The following NALF1 variants were observed in gnomAD, a reference collection of about 807,000 sequenced individuals.
NALF1 encodes the protein family with sequence similarity 155 member A.
A neutral mutation model predicts 48.4 loss-of-function variants in NALF1; 3 were observed. The observed-to-expected ratio is 0.06, with a 90% confidence interval of 0.03 to 0.16. The LOEUF (loss-of-function observed/expected upper bound fraction) is 0.16. Ranked by LOEUF, NALF1 falls within the 10% of genes least tolerant of loss-of-function variation. The pLI, the probability that NALF1 is intolerant of heterozygous loss-of-function variation, is 1.00. For missense variants in NALF1, 526 were observed against 571.5 expected (o/e 0.92, Z 0.81); for synonymous variants, 262 against 245.7 (o/e 1.07, Z -0.62).
intron 1 of NALF1, among the ~76,000 whole-genome samples, chr13:107,690,892 G>A (rs569262496): frequency 3.3e-5 from 5 of 152,292 alleles, no homozygotes; most frequent in Admixed American, 2.0e-4. Context: ...GCATTCTTAC[G>A]GTGATGTGGA....
chr13:107,411,410 CAA>C (rs1443093377), intron 1 of NALF1, among the ~76,000 whole-genome samples: 1 of 151,422 alleles, frequency 6.6e-6, no homozygotes, highest in East Asian at 2.0e-4. Context: ...CTCCTATGCT[CAA>C]GTGATACTCC....
intron 1 of NALF1, among the ~76,000 whole-genome samples, chr13:107,348,080 G>T (rs935622697): frequency 1.1e-4 from 17 of 152,140 alleles, no homozygotes; most frequent in Admixed American, 2.6e-4. Flanking sequence ...TTTATTAGTT[G>T]TCCTTAGTTA....
chr13:107,798,625 A>G (rs572780999), intron 1 of NALF1, among the ~76,000 whole-genome samples: 38 of 152,190 alleles, frequency 2.5e-4, no homozygotes, highest in Non-Finnish European at 4.3e-4. Context: ...AAGTGATTAC[A>G]ATTTAATTTA....
At chr13:107,456,059 G>A (rs995499735) in intron 1 of NALF1, among the ~76,000 whole-genome samples, 4 of 152,120 alleles carry the variant, frequency 2.6e-5, no homozygotes, top group Non-Finnish European at 5.9e-5. Flanking sequence ...CTGCTAGATT[G>A]TATGAAACAT....
At chr13:107,528,357 T>C (rs554514258) in intron 1 of NALF1, among the ~76,000 whole-genome samples, 1 of 152,274 alleles carries the variant, frequency 6.6e-6, no homozygotes, top group Non-Finnish European at 1.5e-5. Context: ...TATAAATATA[T>C]TCTAACAAGT....
intron 1 of NALF1, among the ~76,000 whole-genome samples, chr13:107,446,432 C>A (rs1018632236): frequency 1.3e-5 from 2 of 150,676 alleles, no homozygotes; most frequent in East Asian, 1.9e-4. Flanking sequence ...CACACACACA[C>A]ACATATTTTT....
intron 1 of NALF1, among the ~76,000 whole-genome samples, chr13:107,751,057 T>C (rs111277765): frequency 6.6e-6 from 1 of 152,220 alleles, no homozygotes. Flanking sequence ...TGGAATGCAA[T>C]GTGCTATTAA....
At chr13:107,254,256 C>T (rs1255349877) in intron 1 of NALF1, among the ~76,000 whole-genome samples, 1 of 152,064 alleles carries the variant, frequency 6.6e-6, no homozygotes, top group East Asian at 1.9e-4. Context: ...CATTAACTTG[C>T]CACGGTAACA....
chr13:107,395,303 T>C (rs1883694065), intron 1 of NALF1, among the ~76,000 whole-genome samples: 1 of 152,168 alleles, frequency 6.6e-6, no homozygotes, highest in Non-Finnish European at 1.5e-5. Context: ...ATTGATTATG[T>C]TCACTAGGTC....
At chr13:107,723,924 A>C (rs1876067311) in intron 1 of NALF1, among the ~76,000 whole-genome samples, 1 of 152,218 alleles carries the variant, frequency 6.6e-6, no homozygotes, top group African/African-American at 2.4e-5. Context: ...ATATTTAACA[A>C]TATTCTTTAA....
intron 1 of NALF1, among the ~76,000 whole-genome samples, chr13:107,728,238 T>G (rs942974728): frequency 6.6e-6 from 1 of 152,194 alleles, no homozygotes; most frequent in Non-Finnish European, 1.5e-5. Context: ...CCCATGTATG[T>G]TTACTGCAGC....
intron 1 of NALF1, among the ~76,000 whole-genome samples, chr13:107,503,400 A>G (rs1486662367): frequency 6.6e-6 from 1 of 152,214 alleles, no homozygotes; most frequent in Non-Finnish European, 1.5e-5. Flanking sequence ...CCACTATGAG[A>G]TATTACCTCA....
intron 1 of NALF1, among the ~76,000 whole-genome samples, chr13:107,264,188 T>C (rs1880996203): frequency 6.6e-6 from 1 of 152,258 alleles, no homozygotes; most frequent in African/African-American, 2.4e-5. Context: ...TTTTCAATTG[T>C]GGCAAATTAA....
intron 1 of NALF1, among the ~76,000 whole-genome samples, chr13:107,556,338 C>CATAT (rs770324548): frequency 6.1e-5 from 9 of 147,582 alleles, no homozygotes; most frequent in African/African-American, 2.3e-4. Flanking sequence ...TATACACACA[C>CATAT]ATATATATAT....
chr13:107,710,533 TCATGGCAGAAGG>T (rs761088448), intron 1 of NALF1, among the ~76,000 whole-genome samples: 37 of 149,362 alleles, frequency 2.5e-4, no homozygotes, highest in Middle Eastern at 3.4e-3. Flanking sequence ...ACTCAGAAAA[TCATGGCAGAAGG>T]CAAAGGGGAT....
Position 107,866,522 on chromosome 13 carries a change from G to T in NALF1, c.75C>A (p.Asn25Lys), listed in dbSNP as rs768761314. 1.2e-6 allele frequency: 2 copies of T among 1,613,788 alleles called. No homozygotes were observed. Among genetic ancestry groups the T allele is most frequent in the East Asian group, 2.2e-5 (1 of 44,862 alleles). The change falls in exon 1 of 3, where the codon AAC becomes AAA. Residue 25 changes from asparagine (N) to lysine (K), a missense_variant. Asn to Lys is a moderately conservative substitution (Grantham distance 94, BLOSUM62 0). Transcript: ENST00000375915. The surrounding 1 kb of genome is among the most constrained non-coding windows in gnomAD (Gnocchi z 4.4). ...LKIWLAAPRE[N>K]EKPFIDSERA... is the part of the protein sequence containing the mutation. The stretch of plus-strand genomic sequence containing the variant: ...TCTCGGAATCGATGAACGGTTTCTC[G>T]TTCTCTCGGGGTGCTGCCAACCAGA...
chr13:107,254,333 C>T (rs748226164), intron 1 of NALF1, among the ~76,000 whole-genome samples: 11 of 152,128 alleles, frequency 7.2e-5, no homozygotes, highest in African/African-American at 1.9e-4. Context: ...CTCAGCCTTA[C>T]GCCATACTGA....
chr13:107,242,402 TG>T (rs1490517548), intron 1 of NALF1, among the ~76,000 whole-genome samples: 3 of 152,194 alleles, frequency 2.0e-5, no homozygotes, highest in Non-Finnish European at 2.9e-5. Flanking sequence ...GCTGTCAGGC[TG>T]TGACCTCCAG....
At chr13:107,624,811 C>T (rs1218439945) in intron 1 of NALF1, among the ~76,000 whole-genome samples, 2 of 152,188 alleles carry the variant, frequency 1.3e-5, no homozygotes, top group East Asian at 3.8e-4. Context: ...GGTTGCTTAT[C>T]TTCCTAATAA....
Sources: gnomAD v4.1 joint callset for allele counts (sites outside exome capture counted in the v4.1 genomes callset) on GRCh38, gnomAD v4.1.1 for gene constraint, Gnocchi (gnomAD v3.1) non-coding constraint, MANE v1.5 for transcripts, NCBI Gene and HGNC (gene_info 2026-07-23, HGNC 2026-07-21) for gene names.